Variants in FAM168A observed in about 807,000 individuals in gnomAD.
FAM168A encodes the protein family with sequence similarity 168 member A.
FAM168A carries 3 observed loss-of-function variants against 28.5 expected under a neutral mutation model. That is an observed-to-expected ratio of 0.11 (90% CI 0.05 to 0.27). The LOEUF (loss-of-function observed/expected upper bound fraction) is 0.27. Ranked by LOEUF, FAM168A falls within the 10% of genes least tolerant of loss-of-function variation. The pLI is 1.00. For synonymous variants in FAM168A, 122 were observed against 124.2 expected, an observed-to-expected ratio of 0.98 and a Z score of 0.12; for missense variants, 222 against 311.5, an observed-to-expected ratio of 0.71 and a Z score of 2.16.
At chr11:73,414,857 T>C (rs746484778) in intron 4 of FAM168A, among the ~76,000 whole-genome samples, 13 of 152,246 alleles carry the variant, frequency 8.5e-5, no homozygotes, top group Non-Finnish European at 1.2e-4. Flanking sequence ...TCTAAGATTC[T>C]AAAATGTTAT....
intron 2 of FAM168A, among the ~76,000 whole-genome samples, chr11:73,431,209 G>C (rs1353013218): frequency 1.3e-5 from 2 of 152,096 alleles, no homozygotes; most frequent in Non-Finnish European, 2.9e-5. Flanking sequence ...AGGCGTGGTG[G>C]TGGGCGCCTG....
At chr11:73,491,697 T>G (rs772224839) in intron 1 of FAM168A, among the ~76,000 whole-genome samples, 2 of 152,196 alleles carry the variant, frequency 1.3e-5, no homozygotes, top group Non-Finnish European at 2.9e-5. Flanking sequence ...ATCTCATACG[T>G]GGGATGCAGA....
intron 4 of FAM168A, among the ~76,000 whole-genome samples, chr11:73,417,132 G>A (rs1866707701): frequency 6.6e-6 from 1 of 152,200 alleles, no homozygotes; most frequent in South Asian, 2.1e-4. Context: ...AAGGGAATGA[G>A]TACTCCATTT....
chr11:73,434,599 G>C (rs1867056690), intron 2 of FAM168A, among the ~76,000 whole-genome samples: 1 of 152,192 alleles, frequency 6.6e-6, no homozygotes, highest in East Asian at 1.9e-4. Flanking sequence ...TGGAACAAAT[G>C]AGGGGGCAGT....
At chr11:73,491,274 T>C (rs1449717057) in intron 1 of FAM168A, among the ~76,000 whole-genome samples, 4 of 152,172 alleles carry the variant, frequency 2.6e-5, no homozygotes, top group Admixed American at 1.3e-4. Context: ...AAGTTACTTA[T>C]GGTAATACCA....
At chr11:73,426,516 A>C (rs1866886791) in intron 3 of FAM168A, among the ~76,000 whole-genome samples, 1 of 152,242 alleles carries the variant, frequency 6.6e-6, no homozygotes. Context: ...ACCTCTGTGC[A>C]TCACAAATGG....
intron 3 of FAM168A, chr11:73,430,246 ATGTGTG>A (rs35693530): frequency 2.7e-5 from 4 of 147,548 alleles, no homozygotes; most frequent in Non-Finnish European, 3.0e-5. Context: ...TGGCAAGAGC[ATGTGTG>A]TGTGTGTGTG....
chr11:73,590,355 A>G (rs565606763), intron 1 of FAM168A, among the ~76,000 whole-genome samples: 25 of 152,384 alleles, frequency 1.6e-4, no homozygotes, highest in Middle Eastern at 3.4e-3. Context: ...GTGAGCCATG[A>G]CTGTGCCACT....
chr11:73,424,876 T>C (rs550902068), intron 3 of FAM168A: 75 of 592,476 alleles, frequency 1.3e-4, no homozygotes, highest in Admixed American at 4.7e-4. Context: ...CGTTCCTGCA[T>C]GCTTTAGGAA....
chr11:73,590,404 T>C (rs535489578), intron 1 of FAM168A, among the ~76,000 whole-genome samples: 4 of 152,292 alleles, frequency 2.6e-5, no homozygotes, highest in East Asian at 1.9e-4. Context: ...TAAATATGAA[T>C]GTGAAGACAC....
At chr11:73,564,594 T>C (rs1943997881) in intron 1 of FAM168A, among the ~76,000 whole-genome samples, 1 of 150,466 alleles carries the variant, frequency 6.6e-6, no homozygotes, top group East Asian at 1.9e-4. Flanking sequence ...AAAAAAAAAA[T>C]TAGCTGGGCA....
intron 2 of FAM168A, among the ~76,000 whole-genome samples, chr11:73,462,970 T>A (rs1244832816): frequency 3.3e-5 from 5 of 151,856 alleles, no homozygotes; most frequent in Admixed American, 1.3e-4. Context: ...TTTAAAAAAA[T>A]TATTTATTTA....
intron 1 of FAM168A, among the ~76,000 whole-genome samples, chr11:73,568,445 A>AT (rs1047562258): frequency 2.6e-5 from 4 of 152,218 alleles, no homozygotes; most frequent in African/African-American, 9.6e-5. Flanking sequence ...ATTCTTAAAT[A>AT]TTTTGCACTA....
At chr11:73,568,017 C>A (rs1393648806) in intron 1 of FAM168A, among the ~76,000 whole-genome samples, 3 of 152,218 alleles carry the variant, frequency 2.0e-5, no homozygotes, top group Non-Finnish European at 4.4e-5. Context: ...TAACTACTCA[C>A]CTTTCAAGCT....
intron 2 of FAM168A, among the ~76,000 whole-genome samples, chr11:73,433,028 C>T (rs1867023182): frequency 6.7e-6 from 1 of 150,000 alleles, no homozygotes; most frequent in Non-Finnish European, 1.5e-5. Flanking sequence ...CCTCCTGCTT[C>T]AGCTTCCTGA....
chr11:73,551,028 A>G (rs1201423398), intron 1 of FAM168A, among the ~76,000 whole-genome samples: 1 of 151,476 alleles, frequency 6.6e-6, no homozygotes, highest in East Asian at 2.0e-4. Flanking sequence ...GAAGAATGGC[A>G]TGAACCCAGG....
Position 73,468,395 on chromosome 11 carries a change from C to T in FAM168A, c.70+10G>A, listed in dbSNP as rs777461015. The T allele has an allele frequency of 6.2e-7, 1 of 1,613,098 alleles. No individual in the cohort carries two copies. The highest frequency in any genetic ancestry group is 1.1e-5 in the South Asian group (1 of 90,976). Reference sequence around the variant, plus strand: ...TTTCTCAAAATGAGAGCCATTCTCACACTACTCACCCGTGTAGGCCATGTT... The same window carrying T: ...TTTCTCAAAATGAGAGCCATTCTCATACTACTCACCCGTGTAGGCCATGTT... On this transcript the variant is annotated intron_variant, in intron 2 of 7. Transcript: ENST00000356467.
intron 1 of FAM168A, among the ~76,000 whole-genome samples, chr11:73,545,027 A>ATATT (rs57233496): frequency 2.6e-5 from 2 of 77,468 alleles, no homozygotes; most frequent in African/African-American, 2.4e-4. Flanking sequence ...TAGTATATAT[A>ATATT]ATATATATAT....
intron 1 of FAM168A, among the ~76,000 whole-genome samples, chr11:73,529,129 G>A (rs1943483900): frequency 6.6e-6 from 1 of 152,192 alleles, no homozygotes; most frequent in South Asian, 2.1e-4. Context: ...TGCAAGTGCT[G>A]CTATTGTGCA....
Sources: gnomAD v4.1 joint callset for allele counts (sites outside exome capture counted in the v4.1 genomes callset) on GRCh38, gnomAD v4.1.1 for gene constraint, MANE v1.5 for transcripts, NCBI Gene and HGNC (gene_info 2026-07-23, HGNC 2026-07-21) for gene names.